CMPK1: variants seen among roughly 807,000 people sequenced by gnomAD.
The protein encoded by CMPK1 is UMP-CMP kinase.
In CMPK1, 10 loss-of-function variants were observed where a neutral mutation model predicts 25.7. The observed-to-expected ratio is 0.39, with a 90% CI of 0.24 to 0.66. The LOEUF is 0.66. CMPK1 is among the 30% of genes least tolerant of loss of function. CMPK1 has a pLI of 0.48. For missense variants in CMPK1, 199 were observed against 280.5 expected (o/e 0.71, Z 2.08); for synonymous variants, 106 against 101.5 (o/e 1.04, Z -0.27).
intron 1 of CMPK1, among the ~76,000 whole-genome samples, chr1:47,354,548 T>C (rs1160061100): frequency 1.3e-5 from 2 of 151,664 alleles, no homozygotes; most frequent in African/African-American, 4.8e-5. Context: ...TACTCAGATA[T>C]AATGCACATG....
chr1:47,370,359 C>T (rs1352170810), intron 2 of CMPK1, among the ~76,000 whole-genome samples: 1 of 151,544 alleles, frequency 6.6e-6, no homozygotes, highest in African/African-American at 2.4e-5. Context: ...ACATCTGAGG[C>T]TGGGCGCAGT....
chr1:47,337,880 G>A (rs1646410895), intron 1 of CMPK1, among the ~76,000 whole-genome samples: 1 of 152,064 alleles, frequency 6.6e-6, no homozygotes, highest in Admixed American at 6.6e-5. Context: ...CAAAGTGCTG[G>A]GATTACAGGT....
intron 1 of CMPK1, chr1:47,358,388 C>T (rs1020731093): frequency 2.4e-6 from 3 of 1,271,800 alleles, no homozygotes; most frequent in African/African-American, 1.5e-5. Context: ...GCTGAGATTA[C>T]AGGCATGAGC....
intron 5 of CMPK1, 34 bp downstream of exon 5, chr1:47,375,327 G>A (rs1446204294): frequency 2.3e-6 from 3 of 1,321,048 alleles, no homozygotes; most frequent in African/African-American, 3.0e-5. Context: ...AAAAAAATAT[G>A]TCAAATAAAA....
chr1:47,372,128 CT>C (rs2149334577), intron 2 of CMPK1, among the ~76,000 whole-genome samples: 1 of 149,946 alleles, frequency 6.7e-6, no homozygotes, highest in South Asian at 2.1e-4. Flanking sequence ...GTCTCTCACT[CT>C]GTCCGCCAGG....
At chr1:47,373,775 G>A (rs954953229) in intron 3 of CMPK1, among the ~76,000 whole-genome samples, 9 of 150,560 alleles carry the variant, frequency 6.0e-5, no homozygotes, top group Middle Eastern at 3.4e-3. Context: ...CAGCCTGGGC[G>A]ACAGAGCAAG....
chr1:47,361,927 A>G (rs926460858), intron 1 of CMPK1, among the ~76,000 whole-genome samples: 4 of 146,426 alleles, frequency 2.7e-5, no homozygotes, highest in African/African-American at 1.0e-4. Context: ...CTGGAGTGCA[A>G]TGGCGCGATC....
chr1:47,365,802 T>A (rs998512813), intron 1 of CMPK1, among the ~76,000 whole-genome samples: 18 of 152,188 alleles, frequency 1.2e-4, no homozygotes, highest in African/African-American at 4.3e-4. Context: ...CCGTAAAGGT[T>A]ATTGAATTGT....
intron 1 of CMPK1, among the ~76,000 whole-genome samples, chr1:47,335,097 A>T (rs926054164): frequency 6.6e-6 from 1 of 152,196 alleles, no homozygotes; most frequent in East Asian, 1.9e-4. Flanking sequence ...GAAACAGAAG[A>T]GGCGACCATT....
At chr1:47,339,678 AT>A (rs140520117) in intron 1 of CMPK1, among the ~76,000 whole-genome samples, 22,017 of 119,630 alleles carry the variant, frequency 0.18, 2,188 homozygotes, top group Non-Finnish European at 0.27. Flanking sequence ...TCTTCCTCTG[AT>A]TTCTTTTTCT....
At chr1:47,344,381 A>G (rs1342074624) in intron 1 of CMPK1, among the ~76,000 whole-genome samples, 1 of 152,200 alleles carries the variant, frequency 6.6e-6, no homozygotes. Context: ...AATTCTGAGT[A>G]AAGTGTGAGA....
At chr1:47,357,684 C>T (rs1306002137) in intron 1 of CMPK1, among the ~76,000 whole-genome samples, 4 of 151,920 alleles carry the variant, frequency 2.6e-5, no homozygotes, top group Non-Finnish European at 5.9e-5. Flanking sequence ...AGGGTTTCGC[C>T]ATGTTGGTCA....
chr1:47,354,763 A>G (rs543877677), intron 1 of CMPK1, among the ~76,000 whole-genome samples: 6 of 152,280 alleles, frequency 3.9e-5, no homozygotes, highest in African/African-American at 1.4e-4. Context: ...TGTTTACAAA[A>G]GACACTGCTG....
At chr1:47,364,222 A>T (rs1646623249) in intron 1 of CMPK1, among the ~76,000 whole-genome samples, 1 of 152,236 alleles carries the variant, frequency 6.6e-6, no homozygotes. Flanking sequence ...AGAATGCAAC[A>T]TAACCTTAGT....
At chr1:47,347,461 G>A (rs1011289319) in intron 1 of CMPK1, among the ~76,000 whole-genome samples, 5 of 152,046 alleles carry the variant, frequency 3.3e-5, no homozygotes, top group Admixed American at 2.6e-4. Context: ...CTCCTGCCTC[G>A]GCCTCCCCAA....
At chr1:47,369,029 ACAGTGTCTTTGTCACCCACGCTGGTGTG>A (rs1646658828) in intron 2 of CMPK1, among the ~76,000 whole-genome samples, 2 of 152,220 alleles carry the variant, frequency 1.3e-5, no homozygotes, top group African/African-American at 4.8e-5. Context: ...TTGTTTTGAG[ACAGTGTCTTTGTCACCCACGCTGGTGTG>A]CAGTGTCCTG....
At position 47,375,005 on chromosome 1, in the gene CMPK1, T is replaced by C. The variant is rs919586993; in HGVS notation, c.548+20T>C. ...AAAGAGGTACTTGGCAGTTTTTACA[T>C]ACAACCACTTCAATCCCAGACCTGC... On this transcript the variant is annotated intron_variant, in intron 4 of 5. Transcript: ENST00000371873. The C allele has an allele frequency of 1.3e-6, 2 of 1,571,350 alleles. No homozygotes were observed. The highest frequency in any genetic ancestry group is 2.7e-5 in the African/African-American group (2 of 74,174).
At chr1:47,335,607 A>AGCCTGGGCG (rs1646391779) in intron 1 of CMPK1, among the ~76,000 whole-genome samples, 1 of 141,858 alleles carries the variant, frequency 7.0e-6, no homozygotes, top group Non-Finnish European at 1.5e-5. Flanking sequence ...ACTGCACACT[A>AGCCTGGGCG]GCCTGGGCGA....
At position 47,375,442 on chromosome 1, in the gene CMPK1, A is replaced by G. The variant is rs1370399132; in HGVS notation, c.645+149A>G. 8.7e-6 allele frequency: 5 copies of G among 572,976 alleles called. No homozygotes were observed. In the East Asian group the frequency reaches 1.5e-4, roughly 18 times the overall value. 35.5% of individuals were successfully genotyped at this position (572,976 alleles called of 1,614,324 possible). On this transcript the variant is annotated intron_variant, in intron 5 of 5. Transcript: ENST00000371873. Reference sequence around the variant, plus strand: ...CCAGTCATGGTGGCTCATGCTTGTAATCCCAGCACAAGTGTTCAAGACCAG... The same window carrying G: ...CCAGTCATGGTGGCTCATGCTTGTAGTCCCAGCACAAGTGTTCAAGACCAG...
Sources: gnomAD v4.1 joint callset for allele counts (sites outside exome capture counted in the v4.1 genomes callset) on GRCh38, gnomAD v4.1.1 for gene constraint, MANE v1.5 for transcripts, NCBI Gene and HGNC (gene_info 2026-07-23, HGNC 2026-07-21) for gene names.